The following SP140L variants were observed in gnomAD, a reference collection of about 807,000 sequenced individuals.
The protein encoded by SP140L is nuclear body protein SP140-like protein.
SP140L carries 64 observed loss-of-function variants against 84.3 expected under a neutral mutation model. The ratio of observed to expected loss-of-function variants is 0.76; its 90% CI spans 0.62 to 0.94. The LOEUF (loss-of-function observed/expected upper bound fraction) is 0.94, where lower values mean the gene tolerates loss of function less well. SP140L is among the 40% of genes least tolerant of loss of function. The probability of loss-of-function intolerance (pLI) is 0.00; values close to 1 mark genes in which losing one functional copy is unlikely to be tolerated. For synonymous variants in SP140L, 242 were observed against 236.9 expected, an observed-to-expected ratio of 1.02 and a Z score of -0.20; for missense variants, 628 against 692.5, an observed-to-expected ratio of 0.91 and a Z score of 1.05.
At chr2:230,343,099 TTTTAA>T (rs1421475493) in intron 2 of SP140L, among the ~76,000 whole-genome samples, 3 of 149,332 alleles carry the variant, frequency 2.0e-5, no homozygotes, top group Admixed American at 6.7e-5. Flanking sequence ...TCCCTTCAAC[TTTTAA>T]GTTCAGGGGT....
chr2:230,400,776 C>T (rs1446173188), intron 15 of SP140L, 179 bp from the exon 16 acceptor site: 13 of 1,412,320 alleles, frequency 9.2e-6, no homozygotes, highest in Middle Eastern at 2.5e-4. Flanking sequence ...ACCACTGATG[C>T]GAGGGAAAGG....
At chr2:230,337,702 TTTCTAC>T (rs1319104025) in intron 2 of SP140L, among the ~76,000 whole-genome samples, 2 of 152,210 alleles carry the variant, frequency 1.3e-5, no homozygotes, top group African/African-American at 2.4e-5. Context: ...CAGTTTCAGC[TTTCTAC>T]ATATGGCTAG....
At chr2:230,336,430 G>C (rs1203106228) in intron 2 of SP140L, among the ~76,000 whole-genome samples, 2 of 152,162 alleles carry the variant, frequency 1.3e-5, no homozygotes, top group Non-Finnish European at 2.9e-5. Flanking sequence ...TTAGCTACCT[G>C]CAAGTAATTA....
chr2:230,351,688 C>A (rs1180099959), intron 2 of SP140L, among the ~76,000 whole-genome samples: 1 of 152,096 alleles, frequency 6.6e-6, no homozygotes, highest in Non-Finnish European at 1.5e-5. Flanking sequence ...TCACTGTCAC[C>A]CAGCCCAGAG....
chr2:230,396,682 A>G (rs2062063651), intron 13 of SP140L, 75 bp from the exon 14 acceptor site: 2 of 1,522,958 alleles, frequency 1.3e-6, no homozygotes, highest in African/African-American at 1.4e-5. Context: ...AAAGATGACT[A>G]TTTAAATTTA....
At position 230,401,308 on chromosome 2, in the gene SP140L, T is replaced by G. The variant is rs1231251713; in HGVS notation, c.1423-58T>G. ...GGTGTGAGTCGTGTGCTGTGTCTCATGCATGTGGGCTCATTCTCTCCAAGC... is the reference window on the plus strand; with the variant it reads ...GGTGTGAGTCGTGTGCTGTGTCTCAGGCATGTGGGCTCATTCTCTCCAAGC... On this transcript the variant is annotated intron_variant, in intron 16 of 18. Coordinates refer to ENST00000415673, the MANE Select transcript of SP140L (RefSeq NM_138402.6). The G allele has an allele frequency of 2.5e-6, 4 of 1,610,978 alleles. No individual in the cohort carries two copies. The East Asian group carries it at 8.9e-5, about 36-fold the overall frequency.
intron 3 of SP140L, 66 bp from the exon 4 acceptor site, chr2:230,358,898 G>T (rs962782610): frequency 2.8e-5 from 37 of 1,339,528 alleles, no homozygotes; most frequent in Non-Finnish European, 3.6e-5. Context: ...CATAAAATTT[G>T]TTTTTATGGC....
rs551585924 is a variant in SP140L, at chr2:230,354,358, G to A, written c.108-3447G>A. The stretch of plus-strand genomic sequence containing the variant: ...TCATGATAAAATTCCCAGCATATTA[G>A]GAATAGATAGGAACTCAGCAAATTA... On this transcript the variant is annotated intron_variant, in intron 2 of 18. Transcript: ENST00000415673. Among the ~76,000 whole-genome samples, 24 of 152,204 alleles carry A rather than the reference G, an allele frequency of 1.6e-4. No individual in the cohort carries two copies. In the South Asian group the frequency reaches 5.0e-3, roughly 32 times the overall value.
At chr2:230,348,203 T>C (rs925020938) in intron 2 of SP140L, among the ~76,000 whole-genome samples, 2 of 152,218 alleles carry the variant, frequency 1.3e-5, no homozygotes, top group Non-Finnish European at 2.9e-5. Flanking sequence ...GACTCAAGAA[T>C]TTAACTGCTA....
At chr2:230,377,171 G>T (rs1376996846) in intron 7 of SP140L, among the ~76,000 whole-genome samples, 1 of 152,172 alleles carries the variant, frequency 6.6e-6, no homozygotes, top group Non-Finnish European at 1.5e-5. Context: ...GACAACAGCT[G>T]ATCTGTTTTC....
intron 9 of SP140L, among the ~76,000 whole-genome samples, chr2:230,386,383 G>A (rs1360345435): frequency 1.3e-5 from 2 of 152,064 alleles, no homozygotes; most frequent in Non-Finnish European, 2.9e-5. Flanking sequence ...CCAACCATTG[G>A]GACTTGAAGT....
intron 1 of SP140L, among the ~76,000 whole-genome samples, chr2:230,328,330 T>G (rs1000800889): frequency 2.6e-5 from 4 of 152,250 alleles, no homozygotes; most frequent in African/African-American, 9.6e-5. Context: ...ACTTTTCTCA[T>G]ATTTTTCGAT....
At chr2:230,346,584 T>A (rs1472537267) in intron 2 of SP140L, among the ~76,000 whole-genome samples, 1 of 152,098 alleles carries the variant, frequency 6.6e-6, no homozygotes, top group Admixed American at 6.5e-5. Context: ...CATTCTTTGT[T>A]CTTTTTGCTC....
At chr2:230,337,087 T>C (rs1451360293) in intron 2 of SP140L, among the ~76,000 whole-genome samples, 1 of 152,224 alleles carries the variant, frequency 6.6e-6, no homozygotes, top group Non-Finnish European at 1.5e-5. Context: ...CCACAATGGT[T>C]GAACTAGTTT....
At chr2:230,344,887 A>G (rs2060164728) in intron 2 of SP140L, among the ~76,000 whole-genome samples, 1 of 152,212 alleles carries the variant, frequency 6.6e-6, no homozygotes, top group African/African-American at 2.4e-5. Flanking sequence ...TGTGGTCAGA[A>G]AAGCACTTGG....
intron 5 of SP140L, among the ~76,000 whole-genome samples, chr2:230,365,430 A>G (rs1222951084): frequency 6.6e-6 from 1 of 151,992 alleles, no homozygotes; most frequent in Non-Finnish European, 1.5e-5. Context: ...TTGGTGTATA[A>G]TTGTTCATAG....
chr2:230,370,893 T>C lies in SP140L; in HGVS notation c.524-15T>C, dbSNP rs781432225. ...TGTGAAAATGAGAAGTGTTCCTATGTCATGTGTTTCTCAGGAGAAGTGCCA... is the reference window on the plus strand; with the variant it reads ...TGTGAAAATGAGAAGTGTTCCTATGCCATGTGTTTCTCAGGAGAAGTGCCA... On this transcript the variant is annotated splice_polypyrimidine_tract_variant and intron_variant, in intron 5 of 18. Transcript: ENST00000415673. 1.2e-6 allele frequency: 2 copies of C among 1,612,624 alleles called. No homozygotes were observed. Among genetic ancestry groups the C allele is most frequent in the East Asian group, 4.5e-5 (2 of 44,856 alleles).
At chr2:230,330,602 C>T (rs2059699949) in intron 2 of SP140L, among the ~76,000 whole-genome samples, 1 of 152,174 alleles carries the variant, frequency 6.6e-6, no homozygotes, top group Non-Finnish European at 1.5e-5. Flanking sequence ...GAATATGGCT[C>T]ACGTATATGA....
chr2:230,383,896 G>A (rs1397052028), intron 8 of SP140L, among the ~76,000 whole-genome samples: 1 of 152,078 alleles, frequency 6.6e-6, no homozygotes, highest in Non-Finnish European at 1.5e-5. Context: ...AGAAAGCAAG[G>A]TGTATGTGTA....
Sources: allele counts gnomAD v4.1 joint callset (sites outside exome capture counted in the v4.1 genomes callset), GRCh38; gene constraint gnomAD v4.1.1; transcripts MANE v1.5; gene names NCBI Gene and HGNC (gene_info 2026-07-23, HGNC 2026-07-21).